Variants in SLC9C2 observed in about 807,000 individuals in gnomAD.
SLC9C2 encodes solute carrier family 9 member C2 (putative).
A neutral mutation model predicts 140.2 loss-of-function variants in SLC9C2; 75 were observed. The ratio of observed to expected loss-of-function variants is 0.53; its 90% CI spans 0.44 to 0.65. The LOEUF (loss-of-function observed/expected upper bound fraction) is 0.65, where lower values mean the gene tolerates loss of function less well. SLC9C2 is among the 30% of genes least tolerant of loss of function. The pLI is 0.00. For missense variants in SLC9C2, 1,074 were observed against 1,331.8 expected (o/e 0.81, Z 3.01); for synonymous variants, 375 against 420.9 (o/e 0.89, Z 1.34).
rs1423425344 is a variant in SLC9C2, at chr1:173,600,122, C to T, written c.223G>A (p.Val75Ile). 6.3e-7 allele frequency: 1 copy of T among 1,596,472 alleles called. No homozygotes were observed. The highest frequency in any genetic ancestry group is 8.6e-7 in the Non-Finnish European group (1 of 1,169,498). The change falls in exon 3 of 28, where the codon GTT becomes ATT. Residue 75 changes from valine (V) to isoleucine (I), a missense_variant. Transcript: ENST00000367714. ...FVIGHMAYNS[V>I]EVHQIVYPLL... is the part of the protein sequence containing the mutation. ...ATTTATTGTACATACAGTACCTCAA[C>T]AGAATTGTAGGCCATGTGTCCTATC...
chr1:173,589,601 T>C (rs1039386651), intron 4 of SLC9C2, among the ~76,000 whole-genome samples: 3 of 152,068 alleles, frequency 2.0e-5, no homozygotes, highest in Non-Finnish European at 4.4e-5. Flanking sequence ...GAATTTCTAG[T>C]GTAAGTTTTG....
chr1:173,524,632 G>A (rs146251206), intron 20 of SLC9C2, 147 bp downstream of exon 20: 19 of 826,924 alleles, frequency 2.3e-5, no homozygotes, highest in East Asian at 7.8e-5. Context: ...ATCGGCATTC[G>A]TTGTCCTTTG....
intron 9 of SLC9C2, among the ~76,000 whole-genome samples, chr1:173,561,549 G>C (rs763246180): frequency 6.6e-6 from 1 of 152,122 alleles, no homozygotes; most frequent in Non-Finnish European, 1.5e-5. Context: ...ACACTGGGGG[G>C]AAGCTTGTCA....
At chr1:173,533,543 G>T in intron 17 of SLC9C2, 66 bp downstream of exon 17, 1 of 1,251,000 alleles carries the variant, frequency 8.0e-7, no homozygotes, top group Non-Finnish European at 1.1e-6. Flanking sequence ...CTCCCAAAGT[G>T]CTGGGATTAT....
chr1:173,531,342 A>G (rs1661571998), intron 17 of SLC9C2, among the ~76,000 whole-genome samples: 2 of 152,346 alleles, frequency 1.3e-5, no homozygotes, highest in South Asian at 4.1e-4. Flanking sequence ...AAAGTCCCTA[A>G]TTAGGCAAAA....
intron 26 of SLC9C2, among the ~76,000 whole-genome samples, chr1:173,503,704 TTTCATGAAAAC>T (rs869209060): frequency 3.3e-5 from 5 of 152,310 alleles, no homozygotes; most frequent in African/African-American, 1.2e-4. Flanking sequence ...GACCTTATTT[TTTCATGAAAAC>T]TTCAAAATCT....
chr1:173,561,516 T>TGAA (rs1213242523), intron 9 of SLC9C2, among the ~76,000 whole-genome samples: 1 of 152,196 alleles, frequency 6.6e-6, no homozygotes, highest in Non-Finnish European at 1.5e-5. Context: ...GTGTCTCTGT[T>TGAA]CTACCCTTAG....
intron 23 of SLC9C2, among the ~76,000 whole-genome samples, chr1:173,509,932 A>G (rs1335303037): frequency 1.3e-5 from 2 of 152,260 alleles, no homozygotes; most frequent in African/African-American, 4.8e-5. Flanking sequence ...GAGACCAGAA[A>G]AATGTATATC....
chr1:173,506,754 C>A (rs1659668624), intron 25 of SLC9C2, 102 bp downstream of exon 25: 3 of 923,452 alleles, frequency 3.2e-6, no homozygotes, highest in South Asian at 3.4e-5. Context: ...ACTACAGGGT[C>A]ATTCCAGGTT....
chr1:173,538,757 G>A (rs372183550), intron 13 of SLC9C2, among the ~76,000 whole-genome samples: 46 of 152,316 alleles, frequency 3.0e-4, no homozygotes, highest in Non-Finnish European at 5.6e-4. Flanking sequence ...TCTAGTGCAC[G>A]TACAGAGGTG....
At chr1:173,563,071 T>C (rs79934924) in intron 9 of SLC9C2, among the ~76,000 whole-genome samples, 8,141 of 151,818 alleles carry the variant, frequency 0.054, 304 homozygotes, top group Non-Finnish European at 0.08. Flanking sequence ...GTTTGTCCTG[T>C]AATCTGAAGC....
At chr1:173,570,861 A>C (rs749997393) in intron 9 of SLC9C2, among the ~76,000 whole-genome samples, 7 of 151,962 alleles carry the variant, frequency 4.6e-5, no homozygotes, top group Non-Finnish European at 7.4e-5. Flanking sequence ...CCCTTCCCCA[A>C]GTGCACAGAT....
intron 9 of SLC9C2, among the ~76,000 whole-genome samples, chr1:173,569,920 G>A (rs1399958695): frequency 6.6e-6 from 1 of 152,170 alleles, no homozygotes; most frequent in Non-Finnish European, 1.5e-5. Flanking sequence ...CCACAGGCAG[G>A]AAAGCCTCTC....
At chr1:173,555,721 A>G (rs1182573190) in intron 10 of SLC9C2, among the ~76,000 whole-genome samples, 1 of 152,198 alleles carries the variant, frequency 6.6e-6, no homozygotes, top group Non-Finnish European at 1.5e-5. Context: ...TTGCAAAACC[A>G]CTGGTTATTT....
At chr1:173,537,572 ATGTGTG>A (rs1662064385) in intron 13 of SLC9C2, among the ~76,000 whole-genome samples, 1 of 149,918 alleles carries the variant, frequency 6.7e-6, no homozygotes, top group Non-Finnish European at 1.5e-5. Flanking sequence ...AAAAATTTAT[ATGTGTG>A]TGTGTATATA....
At chr1:173,539,249 CAT>C (rs1450747037) in intron 13 of SLC9C2, among the ~76,000 whole-genome samples, 1 of 152,094 alleles carries the variant, frequency 6.6e-6, no homozygotes, top group East Asian at 1.9e-4. Context: ...GGTATAGTCA[CAT>C]GTCTTTTAGT....
chr1:173,507,519 C>CACACAG (rs1244013718), intron 24 of SLC9C2, among the ~76,000 whole-genome samples: 1 of 152,054 alleles, frequency 6.6e-6, no homozygotes, highest in Non-Finnish European at 1.5e-5. Flanking sequence ...CACACACACA[C>CACACAG]ACACACACAC....
chr1:173,509,444 C>CAAAA (rs35439430), intron 24 of SLC9C2, 124 bp downstream of exon 24: 10 of 745,948 alleles, frequency 1.3e-5, no homozygotes, highest in Non-Finnish European at 1.5e-5. Context: ...GCCTCTGTCT[C>CAAAA]AAAAAAAAAA....
chr1:173,593,288 G>A (rs768397650), intron 4 of SLC9C2, among the ~76,000 whole-genome samples: 12 of 152,140 alleles, frequency 7.9e-5, no homozygotes, highest in African/African-American at 2.4e-4. Context: ...TAGGGAGGCC[G>A]AGGCAAGTGG....
Sources: allele counts gnomAD v4.1 joint callset (sites outside exome capture counted in the v4.1 genomes callset), GRCh38; gene constraint gnomAD v4.1.1; transcripts MANE v1.5; gene names NCBI Gene and HGNC (gene_info 2026-07-23, HGNC 2026-07-21).